The following KIAA0825 variants were observed in gnomAD, a reference collection of about 807,000 sequenced individuals.
The protein encoded by KIAA0825 is KIAA0825.
Under a neutral mutation model 147.6 loss-of-function variants are expected in KIAA0825, and 119 were observed. That is an observed-to-expected ratio of 0.81 (90% confidence interval 0.69 to 0.94). The LOEUF (loss-of-function observed/expected upper bound fraction) is 0.94, where lower values mean the gene tolerates loss of function less well. Ranked by LOEUF, KIAA0825 falls within the 40% of genes least tolerant of loss-of-function variation. The pLI is 0.00. For synonymous variants in KIAA0825, 470 were observed against 518.1 expected, an observed-to-expected ratio of 0.91 and a Z score of 1.26; for missense variants, 1,381 against 1,472.7, an observed-to-expected ratio of 0.94 and a Z score of 1.02.
chr5:94,509,104 A>G (rs78037357), intron 5 of KIAA0825, among the ~76,000 whole-genome samples: 1,726 of 152,324 alleles, frequency 0.011, 21 homozygotes, highest in Non-Finnish European at 0.02. Flanking sequence ...ACTGCTTCAA[A>G]GAGGCATTGA....
intron 1 of KIAA0825, chr5:94,594,632 C>A: frequency 1.6e-6 from 1 of 643,288 alleles, no homozygotes; most frequent in Non-Finnish European, 2.9e-6. Context: ...ATATCCTTCA[C>A]ATAAAAGGAA....
At chr5:94,404,171 T>A (rs909866072) in intron 15 of KIAA0825, among the ~76,000 whole-genome samples, 7 of 152,136 alleles carry the variant, frequency 4.6e-5, no homozygotes, top group Admixed American at 2.0e-4. Flanking sequence ...AAATTAATTA[T>A]AAATATGCAA....
intron 1 of KIAA0825, among the ~76,000 whole-genome samples, chr5:94,608,463 A>G (rs368306994): frequency 0.35 from 7,127 of 20,574 alleles, 1,838 homozygotes; most frequent in South Asian, 0.42. Context: ...ATATATATAT[A>G]TTATATATAT....
intron 5 of KIAA0825, among the ~76,000 whole-genome samples, chr5:94,490,037 G>A (rs1763547143): frequency 6.6e-6 from 1 of 151,956 alleles, no homozygotes; most frequent in Non-Finnish European, 1.5e-5. Context: ...ACATCTGTAG[G>A]ACATTTCTAA....
At chr5:94,475,378 T>C (rs1353489504) in intron 7 of KIAA0825, among the ~76,000 whole-genome samples, 2 of 148,660 alleles carry the variant, frequency 1.3e-5, no homozygotes, top group Non-Finnish European at 2.9e-5. Context: ...CATGGCTGTA[T>C]TGAATTTTTA....
chr5:94,592,154 T>C (rs1239080536), intron 1 of KIAA0825, among the ~76,000 whole-genome samples: 1 of 152,200 alleles, frequency 6.6e-6, no homozygotes, highest in East Asian at 1.9e-4. Context: ...CATTTCAGCA[T>C]TAACTCAAAA....
At chr5:94,416,057 C>T (rs952008887) in intron 15 of KIAA0825, 4 of 152,100 alleles carry the variant, frequency 2.6e-5, no homozygotes, top group African/African-American at 9.7e-5. Flanking sequence ...ACATCAGAAA[C>T]ACAACAAGCT....
chr5:94,444,631 T>C (rs1334243587), intron 13 of KIAA0825, among the ~76,000 whole-genome samples: 1 of 151,692 alleles, frequency 6.6e-6, no homozygotes, highest in Non-Finnish European at 1.5e-5. Flanking sequence ...ATGGAATAGG[T>C]GGTAGAAGAA....
chr5:94,424,793 C>T (rs1042167558), intron 14 of KIAA0825, among the ~76,000 whole-genome samples: 52 of 151,392 alleles, frequency 3.4e-4, no homozygotes, highest in African/African-American at 1.2e-3. Flanking sequence ...AAATCAGAAA[C>T]GAAAAAGAAG....
At chr5:94,331,078 C>T (rs1781216268) in intron 20 of KIAA0825, among the ~76,000 whole-genome samples, 1 of 150,844 alleles carries the variant, frequency 6.6e-6, no homozygotes, top group African/African-American at 2.4e-5. Flanking sequence ...GCAGAAGTTG[C>T]AGTCCAAGAT....
intron 20 of KIAA0825, among the ~76,000 whole-genome samples, chr5:94,262,740 T>C (rs1776557207): frequency 6.6e-6 from 1 of 152,188 alleles, no homozygotes; most frequent in African/African-American, 2.4e-5. Flanking sequence ...CTATGTCCCC[T>C]TATTAATTTA....
intron 20 of KIAA0825, among the ~76,000 whole-genome samples, chr5:94,184,512 T>A (rs1333017142): frequency 6.6e-6 from 1 of 152,118 alleles, no homozygotes; most frequent in Non-Finnish European, 1.5e-5. Context: ...CTCATACTCT[T>A]TATATTAGAA....
At chr5:94,416,327 A>G (rs1459763375) in intron 15 of KIAA0825, 2 of 152,198 alleles carry the variant, frequency 1.3e-5, no homozygotes, top group Admixed American at 6.5e-5. Context: ...AGGATAGTCA[A>G]AAAGTCTGGG....
At chr5:94,412,469 C>A (rs184855525) in intron 15 of KIAA0825, among the ~76,000 whole-genome samples, 1 of 152,092 alleles carries the variant, frequency 6.6e-6, no homozygotes, top group East Asian at 1.9e-4. Flanking sequence ...GGTGTGATCT[C>A]GACTCACTGC....
At chr5:94,439,855 C>T (rs1756853215) in intron 14 of KIAA0825, 127 bp downstream of exon 14, 2 of 964,842 alleles carry the variant, frequency 2.1e-6, no homozygotes, top group African/African-American at 1.7e-5. Context: ...GCTGCTAACC[C>T]AGCTGAATGT....
At chr5:94,340,425 C>T (rs969048222) in intron 20 of KIAA0825, among the ~76,000 whole-genome samples, 13 of 151,944 alleles carry the variant, frequency 8.6e-5, no homozygotes, top group Non-Finnish European at 1.0e-4. Context: ...GAGGAAGAAC[C>T]GTACTTTAAT....
At chr5:94,244,124 A>C (rs1775487810) in intron 20 of KIAA0825, among the ~76,000 whole-genome samples, 1 of 152,170 alleles carries the variant, frequency 6.6e-6, no homozygotes. Flanking sequence ...CATATGAAGA[A>C]GGTCTTGCAG....
intron 20 of KIAA0825, among the ~76,000 whole-genome samples, chr5:94,367,251 C>G (rs1311156589): frequency 6.6e-6 from 1 of 152,140 alleles, no homozygotes; most frequent in Non-Finnish European, 1.5e-5. Context: ...AATCCCAGCA[C>G]TTTGGGAGGC....
rs561938889 is a variant in KIAA0825, at chr5:94,163,910, A to G, written c.3711-9786T>C. ...TGGTAATGGTAGGAAATTAATTGTA[A>G]TGGACTCTTGTTATAAGAATGAAAT... On this transcript the variant is annotated intron_variant, in intron 20 of 20. Coordinates refer to ENST00000682413, the MANE Select transcript of KIAA0825 (RefSeq NM_001145678.3). Among the ~76,000 whole-genome samples, 3 of 152,322 alleles carry G rather than the reference A, an allele frequency of 2.0e-5. No individual in the cohort carries two copies. In the South Asian group the frequency reaches 6.2e-4, roughly 32 times the overall value.
Sources: gnomAD v4.1 joint callset for allele counts (sites outside exome capture counted in the v4.1 genomes callset) on GRCh38, gnomAD v4.1.1 for gene constraint, MANE v1.5 for transcripts, NCBI Gene and HGNC (gene_info 2026-07-23, HGNC 2026-07-21) for gene names.